LUZP2: variants seen among roughly 807,000 people sequenced by gnomAD.
LUZP2 encodes leucine zipper protein 2.
In LUZP2, 52 loss-of-function variants were observed where a neutral mutation model predicts 51.6. The ratio of observed to expected loss-of-function variants is 1.01; its 90% confidence interval spans 0.81 to 1.27. The LOEUF is 1.27. Ranked by LOEUF, LUZP2 falls within the 50% of genes most tolerant of loss-of-function variation. LUZP2 has a pLI of 0.00. For synonymous variants in LUZP2, 154 were observed against 137.3 expected (o/e 1.12, Z -0.85); for missense variants, 436 against 395.4 (o/e 1.10, Z -0.87).
chr11:24,828,168 A>G (rs545118149), intron 5 of LUZP2, among the ~76,000 whole-genome samples: 2 of 152,270 alleles, frequency 1.3e-5, no homozygotes, highest in African/African-American at 4.8e-5. Flanking sequence ...TGAAGACATC[A>G]AAGGATAAAA....
At chr11:24,627,898 G>T (rs1185652463) in intron 1 of LUZP2, among the ~76,000 whole-genome samples, 2 of 152,028 alleles carry the variant, frequency 1.3e-5, no homozygotes, top group African/African-American at 4.8e-5. Context: ...CCTTCAATGT[G>T]TGCATATATT....
At chr11:25,040,343 A>ATTTTTTTTTGTTTTTTTTTTTTTT (rs1858012561) in intron 9 of LUZP2, among the ~76,000 whole-genome samples, 1 of 98,828 alleles carries the variant, frequency 1.0e-5, no homozygotes, top group Non-Finnish European at 1.8e-5. Flanking sequence ...TTTCTTTCCG[A>ATTTTTTTTTGTTTTTTTTTTTTTT]TTTTTTTTTT....
intron 1 of LUZP2, among the ~76,000 whole-genome samples, chr11:24,502,756 T>G (rs1209422239): frequency 6.6e-6 from 1 of 152,208 alleles, no homozygotes; most frequent in Non-Finnish European, 1.5e-5. Context: ...TTTAACTTAA[T>G]GACTTAGAAT....
rs531478910 is a variant in LUZP2, at chr11:24,796,922, A to G, written c.396+33614A>G. ...ATTTTGCATAGTGAACCATCCTTAC[A>G]TGAAGGGAGGAGGGCGAGGTTTGGA... On this transcript the variant is annotated intron_variant, in intron 5 of 11. Coordinates refer to ENST00000336930, the MANE Select transcript of LUZP2 (RefSeq NM_001009909.4). 9.6e-4 allele frequency among the ~76,000 whole-genome samples: 146 copies of G among 152,194 alleles called. 1 individual carries two copies. The South Asian group carries it at 0.012, about 13-fold the overall frequency.
rs150589720 is a variant in LUZP2 at position 24,968,424 on chromosome 11, A to G, written c.523-8167A>G. On this transcript the variant is annotated intron_variant, in intron 7 of 11. Transcript: ENST00000336930. ...TTTGACTGTGGGCTGTAGTTTGCCA[A>G]CAACTCTTTAGTGCTTAGCTATTAA... Among the ~76,000 whole-genome samples, 1,485 of 152,282 alleles carry G rather than the reference A, an allele frequency of 9.8e-3. 14 individuals are homozygous for G. The highest frequency in any genetic ancestry group is 0.048 in the Middle Eastern group (14 of 294).
chr11:24,647,402 A>T (rs1358950437), intron 1 of LUZP2, among the ~76,000 whole-genome samples: 2 of 152,010 alleles, frequency 1.3e-5, no homozygotes, highest in African/African-American at 4.8e-5. Context: ...AGAAAAAGAA[A>T]AGAAACTTCA....
At chr11:24,831,865 C>A (rs1042274656) in intron 5 of LUZP2, 1 of 152,502 alleles carries the variant, frequency 6.6e-6, no homozygotes, top group Non-Finnish European at 1.5e-5. Flanking sequence ...ATAAATCTCT[C>A]ATACAAATGT....
intron 5 of LUZP2, among the ~76,000 whole-genome samples, chr11:24,862,219 C>T (rs894458699): frequency 2.0e-5 from 3 of 152,138 alleles, no homozygotes; most frequent in Non-Finnish European, 4.4e-5. Context: ...ACTCCACAAA[C>T]CACAAGAGAT....
intron 5 of LUZP2, among the ~76,000 whole-genome samples, chr11:24,794,945 AACATCTTAATTTGGTT>A (rs1164321718): frequency 6.6e-6 from 1 of 152,128 alleles, no homozygotes; most frequent in Non-Finnish European, 1.5e-5. Flanking sequence ...GGCCATGAAT[AACATCTTAATTTGGTT>A]ATTTATTTGT....
At chr11:24,711,952 T>C (rs1857842371) in intron 1 of LUZP2, among the ~76,000 whole-genome samples, 1 of 152,178 alleles carries the variant, frequency 6.6e-6, no homozygotes, top group Admixed American at 6.5e-5. Flanking sequence ...CTCTCAAAAG[T>C]GCCACACAGA....
intron 1 of LUZP2, among the ~76,000 whole-genome samples, chr11:24,715,949 A>C (rs1410398364): frequency 1.3e-5 from 2 of 152,064 alleles, no homozygotes; most frequent in African/African-American, 4.8e-5. Context: ...ATCATTTACT[A>C]TCTGTCTTTG....
intron 9 of LUZP2, among the ~76,000 whole-genome samples, chr11:24,992,403 T>C (rs1180196527): frequency 2.0e-5 from 3 of 152,066 alleles, no homozygotes; most frequent in Admixed American, 6.6e-5. Context: ...CATGATTTTC[T>C]TAGGACTATA....
At chr11:24,864,808 T>C (rs61892065) in intron 5 of LUZP2, among the ~76,000 whole-genome samples, 35,358 of 152,040 alleles carry the variant, frequency 0.23, 4,404 homozygotes, top group African/African-American at 0.32. Context: ...CTAAGAGTCA[T>C]GAAGAGGTGA....
chr11:24,934,385 A>G (rs912253531), intron 7 of LUZP2, among the ~76,000 whole-genome samples: 10 of 152,148 alleles, frequency 6.6e-5, no homozygotes, highest in Non-Finnish European at 1.2e-4. Flanking sequence ...TTCTCTGGCT[A>G]TCTTTGGGCA....
chr11:24,616,471 GCGCA>G (rs71894225), intron 1 of LUZP2, among the ~76,000 whole-genome samples: 32 of 79,186 alleles, frequency 4.0e-4, no homozygotes, highest in African/African-American at 1.0e-3. Flanking sequence ...TATTTGGCGT[GCGCA>G]TGTGTGTGTG....
chr11:24,762,868 T>C, intron 4 of LUZP2: 1 of 389,412 alleles, frequency 2.6e-6, no homozygotes, highest in Non-Finnish European at 3.5e-6. Context: ...CAGGTCATAA[T>C]TACCTGGAGT....
intron 5 of LUZP2, among the ~76,000 whole-genome samples, chr11:24,851,143 T>C (rs933350874): frequency 5.9e-5 from 9 of 152,124 alleles, no homozygotes; most frequent in Non-Finnish European, 1.2e-4. Context: ...GAACTTCCAA[T>C]ATTCTGTTGA....
rs181993882 is a variant in LUZP2 at position 25,061,854 on chromosome 11, A to C, written c.858+11724A>C. Reference sequence around the variant, plus strand: ...ATGCATAAAGAGAAATGATATCTGAACTTTTGCTTTAGTTCAAGAAAAAGA... The same window carrying C: ...ATGCATAAAGAGAAATGATATCTGACCTTTTGCTTTAGTTCAAGAAAAAGA... On this transcript the variant is annotated intron_variant, in intron 10 of 11. Coordinates refer to ENST00000336930, the MANE Select transcript of LUZP2 (RefSeq NM_001009909.4). Among the ~76,000 whole-genome samples the C allele has an allele frequency of 2.5e-3, 374 of 152,194 alleles. 2 individuals are homozygous for C. The highest frequency in any genetic ancestry group is 5.0e-3 in the South Asian group (24 of 4,818).
In LUZP2 at chr11:25,027,679, G is replaced by C. The variant is rs547186532; in HGVS notation, c.766-22359G>C. ...GAAGTCAGGAGGTCAAGATCAGCCT[G>C]GCCAAGATGGTGAAACCCCATCTCT... On this transcript the variant is annotated intron_variant, in intron 9 of 11. Transcript: ENST00000336930. 2.6e-5 allele frequency among the ~76,000 whole-genome samples: 4 copies of C among 152,062 alleles called. No homozygotes were observed. In the East Asian group the frequency reaches 7.8e-4, roughly 30 times the overall value.
Sources: gnomAD v4.1 joint callset for allele counts (sites outside exome capture counted in the v4.1 genomes callset) on GRCh38, gnomAD v4.1.1 for gene constraint, MANE v1.5 for transcripts, NCBI Gene and HGNC (gene_info 2026-07-23, HGNC 2026-07-21) for gene names.